Variants in ZC3H12A observed in about 807,000 individuals in gnomAD.
The protein encoded by ZC3H12A is endoribonuclease ZC3H12A.
In ZC3H12A, 9 loss-of-function variants were observed where a neutral mutation model predicts 29.9. The ratio of observed to expected loss-of-function variants is 0.30; its 90% CI spans 0.18 to 0.53. The LOEUF (loss-of-function observed/expected upper bound fraction) is 0.53. ZC3H12A is among the 20% of genes least tolerant of loss of function. ZC3H12A has a pLI of 0.96. For missense variants in ZC3H12A, 617 were observed against 799.0 expected (o/e 0.77, Z 2.75); for synonymous variants, 323 against 338.1 (o/e 0.96, Z 0.49).
intron 2 of ZC3H12A, 60 bp from the exon 3 acceptor site, chr1:37,480,230 A>C (rs778241227): frequency 1.1e-5 from 18 of 1,566,756 alleles, no homozygotes; most frequent in Admixed American, 3.6e-5. Flanking sequence ...CCTCCTGCTC[A>C]GGCCTAGGGG....
intron 2 of ZC3H12A, among the ~76,000 whole-genome samples, chr1:37,477,563 A>G (rs2148041958): frequency 6.6e-6 from 1 of 152,216 alleles, no homozygotes; most frequent in Admixed American, 6.5e-5. Context: ...TTTCCTTCTA[A>G]GGGAATTTTT....
rs2148043332 is a variant in ZC3H12A, at chr1:37,479,013, T to G, written c.444-1277T>G. 1 of 984,626 alleles carries G rather than the reference T, an allele frequency of 1.0e-6. No homozygotes were observed. Among genetic ancestry groups the G allele is most frequent in the Non-Finnish European group, 1.2e-6 (1 of 829,748 alleles). 61.0% of individuals were successfully genotyped at this position (984,626 alleles called of 1,614,324 possible). A position where few individuals can be genotyped will look rare whatever the true frequency, so the allele number is the denominator to read the frequency against. ...CAGCTGCCCCACCTCCCTCCCTAGCTTCTCTTAGGGCTCCAGCTATCACCC... is the reference window on the plus strand; with the variant it reads ...CAGCTGCCCCACCTCCCTCCCTAGCGTCTCTTAGGGCTCCAGCTATCACCC... On this transcript the variant is annotated intron_variant, in intron 2 of 5. Transcript: ENST00000373087. This position sits in a 1 kb window ranked among gnomAD's most constrained non-coding sequence, Gnocchi z 4.5.
At position 37,483,761 on chromosome 1, in the gene ZC3H12A, C is replaced by A; in HGVS notation, c.*150C>A. 2 of 1,068,398 alleles carry A rather than the reference C, an allele frequency of 1.9e-6. No homozygotes were observed. Among genetic ancestry groups the A allele is most frequent in the Non-Finnish European group, 2.6e-6 (2 of 764,112 alleles). 66.2% of individuals were successfully genotyped at this position (1,068,398 alleles called of 1,614,324 possible). ...CAAGTCGGGAAGGAAACCCACAAAC[C>A]AAAGATACTGTAGGATTGGTTCTGG... is the stretch of plus-strand genomic sequence containing the variant. On this transcript the variant is annotated 3_prime_UTR_variant, in exon 6 of 6. Transcript: ENST00000373087.
intron 2 of ZC3H12A, chr1:37,480,074 T>C (rs1641671822): frequency 7.8e-7 from 1 of 1,275,778 alleles, no homozygotes; most frequent in African/African-American, 1.5e-5. Context: ...GCACTGGGAA[T>C]GGAGGCCTTG....
Position 37,475,551 on chromosome 1 carries a change from C to A in ZC3H12A, c.55C>A (p.Leu19Met), listed in dbSNP as rs1447349218. 1 of 1,613,718 alleles carries A rather than the reference C, an allele frequency of 6.2e-7. No individual in the cohort carries two copies. The highest frequency in any genetic ancestry group is 8.5e-7 in the Non-Finnish European group (1 of 1,179,994). The change falls in exon 2 of 6, where the codon CTG becomes ATG. Residue 19 changes from leucine to methionine, a missense_variant. Physicochemically the swap from Leu to Met is conservative, Grantham distance 15 (BLOSUM62 2). Transcript: ENST00000373087. This position sits in a 1 kb window ranked among gnomAD's most constrained non-coding sequence, Gnocchi z 5.2. ...PVLEASPTMS[L>M]WEFEDSHSRQ... ...CCTGGAAGCCAGCCCCACCATGAGT[C>A]TGTGGGAATTTGAGGACAGCCACAG...
At position 37,475,408 on chromosome 1, in the gene ZC3H12A, G is replaced by A. The variant is rs1198649216; in HGVS notation, c.-38-51G>A. On this transcript the variant is annotated intron_variant, in intron 1 of 5. Transcript: ENST00000373087. The surrounding 1 kb of genome is among the most constrained non-coding windows in gnomAD (Gnocchi z 5.2). The stretch of plus-strand genomic sequence containing the variant: ...TCCTGCTGGATGTGGTTTTGGGAGG[G>A]AGGTTAGGAGAGAGCGCTATTCACC... The A allele has an allele frequency of 7.9e-6, 11 of 1,387,330 alleles. No individual in the cohort carries two copies. In the Admixed American group the frequency reaches 2.5e-4, roughly 31 times the overall value. The allele number at this position is 1,387,330 out of a possible 1,614,324, so 85.9% of individuals were successfully genotyped here.
In ZC3H12A at chr1:37,482,641, GACC is replaced by G. The variant is rs766481142; in HGVS notation, c.926-92_926-90del. On this transcript the variant is annotated intron_variant, in intron 5 of 5. Coordinates refer to ENST00000373087, the MANE Select transcript of ZC3H12A (RefSeq NM_025079.3). Reference sequence around the variant, plus strand: ...TTCCTCTTGGGGACCTCCACCATTGGACCACCCAACCCCGTTTCCTGTGCCACC... The same window carrying G: ...TTCCTCTTGGGGACCTCCACCATTGGACCCAACCCCGTTTCCTGTGCCACC... The G allele has an allele frequency of 3.1e-6, 5 of 1,609,570 alleles. No individual in the cohort carries two copies. In the African/African-American group the frequency reaches 6.7e-5, roughly 22 times the overall value.
chr1:37,479,538 C>T lies in ZC3H12A; in HGVS notation c.444-752C>T. 5.1e-6 allele frequency: 5 copies of T among 985,410 alleles called. No homozygotes were observed. Among genetic ancestry groups the T allele is most frequent in the Non-Finnish European group, 6.0e-6 (5 of 829,922 alleles). The allele number at this position is 985,410 out of a possible 1,614,324, so 61.0% of individuals were successfully genotyped here. The stretch of plus-strand genomic sequence containing the variant: ...TAGCATCTTCCTGATGGTCTTTCTG[C>T]CTTGGGGTGAAGAGGCATTTGGGGG... On this transcript the variant is annotated intron_variant, in intron 2 of 5. Coordinates refer to ENST00000373087, the MANE Select transcript of ZC3H12A (RefSeq NM_025079.3). This position sits in a 1 kb window ranked among gnomAD's most constrained non-coding sequence, Gnocchi z 4.5.
chr1:37,481,914 G>T, intron 4 of ZC3H12A, 79 bp downstream of exon 4: 1 of 1,464,446 alleles, frequency 6.8e-7, no homozygotes, highest in African/African-American at 1.4e-5. Flanking sequence ...GGGTGGAGCT[G>T]GGGGCTGGGC....
chr1:37,483,286 G>C lies in ZC3H12A; in HGVS notation c.1475G>C (p.Gly492Ala), dbSNP rs764182642. 2 of 1,614,042 alleles carry C rather than the reference G, an allele frequency of 1.2e-6. No individual in the cohort carries two copies. Among genetic ancestry groups the C allele is most frequent in the Admixed American group, 3.3e-5 (2 of 60,032 alleles). Residue 492 changes from glycine (G) to alanine (A), a missense_variant, in exon 6 of 6, where the codon GGT (glycine) becomes GCT (alanine). Coordinates refer to ENST00000373087, the MANE Select transcript of ZC3H12A (RefSeq NM_025079.3). ...TTCTCTGCCTTTGGCCGGGCCATGGGTGCTGGCCACTTCAGTGTCCCTGCC... is the reference window on the plus strand; with the variant it reads ...TTCTCTGCCTTTGGCCGGGCCATGGCTGCTGGCCACTTCAGTGTCCCTGCC... ...AAFSAFGRAM[G>A]AGHFSVPADY... is the part of the protein sequence containing the mutation.
Position 37,483,037 on chromosome 1 carries a change from G to C in ZC3H12A, c.1226G>C (p.Gly409Ala). The C allele has an allele frequency of 6.2e-7, 1 of 1,607,366 alleles. No individual in the cohort carries two copies. The highest frequency in any genetic ancestry group is 8.5e-7 in the Non-Finnish European group (1 of 1,177,154). The change falls in exon 6 of 6, where the codon GGG (glycine) becomes GCG (alanine). Residue 409 changes from glycine to alanine, a missense_variant. Around this residue, in one of 5 missense-constraint regions of ZC3H12A, gnomAD observed 115 missense variants for 112.5 expected, o/e 1.02. Transcript: ENST00000373087. ...APSGRSLAPS[G>A]GSGSSFGPTD... ...TCAGGCAGGAGCCTCGCACCTAGCG[G>C]GGGCAGTGGCAGCAGCTTTGGGCCC...
In ZC3H12A at chr1:37,483,566, G is replaced by T. The variant is rs780585851; in HGVS notation, c.1755G>T (p.Leu585=). ...CACAGCTCCTGGACCCCCAGCAGCTGGCTGCCGAGATCCTCTCCTACAAGT... is the reference window on the plus strand; with the variant it reads ...CACAGCTCCTGGACCCCCAGCAGCTTGCTGCCGAGATCCTCTCCTACAAGT... ...RFPQLLDPQQ[L]AAEILSYKSQ... Residue 585 remains leucine (L), a synonymous_variant, in exon 6 of 6, where the codon CTG becomes CTT. Transcript: ENST00000373087. The T allele has an allele frequency of 1.2e-6, 2 of 1,612,616 alleles. No individual in the cohort carries two copies. The highest frequency in any genetic ancestry group is 2.7e-5 in the African/African-American group (2 of 74,932).
chr1:37,478,794 G>A lies in ZC3H12A; in HGVS notation c.444-1496G>A. The A allele has an allele frequency of 2.1e-6, 2 of 967,028 alleles. No individual in the cohort carries two copies. The highest frequency in any genetic ancestry group is 2.5e-6 in the Non-Finnish European group (2 of 813,144). The allele number at this position is 967,028 out of a possible 1,614,324, so 59.9% of individuals were successfully genotyped here. On this transcript the variant is annotated intron_variant, in intron 2 of 5. Coordinates refer to ENST00000373087, the MANE Select transcript of ZC3H12A (RefSeq NM_025079.3). The surrounding 1 kb of genome is among the most constrained non-coding windows in gnomAD (Gnocchi z 5.2). ...CTCACAAGCTTGCTGATGATTCAGTGTTAGACACTTATAACAGGGCCTGGT... is the reference window on the plus strand; with the variant it reads ...CTCACAAGCTTGCTGATGATTCAGTATTAGACACTTATAACAGGGCCTGGT...
At position 37,476,030 on chromosome 1, in the gene ZC3H12A, G is replaced by A. The variant is rs1031632532; in HGVS notation, c.443+91G>A. 5.3e-6 allele frequency: 7 copies of A among 1,324,702 alleles called. No individual in the cohort carries two copies. Among genetic ancestry groups the A allele is most frequent in the Non-Finnish European group, 7.0e-6 (7 of 1,001,110 alleles). 82.1% of individuals were successfully genotyped at this position (1,324,702 alleles called of 1,614,324 possible). A position where few individuals can be genotyped will look rare whatever the true frequency, so the allele number is the denominator to read the frequency against. On this transcript the variant is annotated intron_variant, in intron 2 of 5. Transcript: ENST00000373087. The surrounding 1 kb of genome is among the most constrained non-coding windows in gnomAD (Gnocchi z 6.0). Reference sequence around the variant, plus strand: ...AAGGATGACTGTCTCTGCAGCTCTGGTGGGCTGGAAGAAGTGACTTCCTTC... The same window carrying A: ...AAGGATGACTGTCTCTGCAGCTCTGATGGGCTGGAAGAAGTGACTTCCTTC...
In ZC3H12A at chr1:37,480,296, G is replaced by A; in HGVS notation, c.450G>A (p.Gly150=). The change falls in exon 3 of 6, where the codon GGG becomes GGA. Residue 150 remains glycine (G), a synonymous_variant. Transcript: ENST00000373087. ...CCTGTCCTCTCCCTCCCAGCCATGG[G>A]AACAAGGAGGTCTTCTCCTGCCGGG... The part of the protein sequence containing the change: ...IDGSNVAMSH[G]NKEVFSCRGI... The A allele has an allele frequency of 6.2e-7, 1 of 1,613,206 alleles. No homozygotes were observed. Among genetic ancestry groups the A allele is most frequent in the Non-Finnish European group, 8.5e-7 (1 of 1,179,448 alleles).
Position 37,475,488 on chromosome 1 carries a change from G to A in ZC3H12A, c.-9G>A, listed in dbSNP as rs1291677827. On this transcript the variant is annotated 5_prime_UTR_variant, in exon 2 of 6. Transcript: ENST00000373087. The surrounding 1 kb of genome is among the most constrained non-coding windows in gnomAD (Gnocchi z 5.2). ...AGCTGTGGCGCGGGGCCTTCCAGGAGTCTGAGCTATGAGTGGCCCCTGTGG... is the reference window on the plus strand; with the variant it reads ...AGCTGTGGCGCGGGGCCTTCCAGGAATCTGAGCTATGAGTGGCCCCTGTGG... The A allele has an allele frequency of 1.9e-6, 3 of 1,594,410 alleles. No individual in the cohort carries two copies. Among genetic ancestry groups the A allele is most frequent in the Non-Finnish European group, 2.6e-6 (3 of 1,169,220 alleles).
chr1:37,474,825 G>A (rs1277615543), intron 1 of ZC3H12A, among the ~76,000 whole-genome samples, 196 bp downstream of exon 1: 1 of 152,164 alleles, frequency 6.6e-6, no homozygotes, highest in Admixed American at 6.5e-5. Flanking sequence ...AGTTGGGAGA[G>A]CCGGGGAAGA....
chr1:37,480,514 A>G (rs577903081), intron 3 of ZC3H12A, 85 bp downstream of exon 3: 11 of 1,490,126 alleles, frequency 7.4e-6, no homozygotes, highest in East Asian at 4.7e-5. Flanking sequence ...GGAGTGACCT[A>G]CAACTTCTAG....
Position 37,481,702 on chromosome 1 carries a change from A to G in ZC3H12A, c.685A>G (p.Ile229Val). Reference sequence around the variant, plus strand: ...GGTGGTGTGCTATGACGACAGATTCATTGTGAAGCTGGCCTACGAGTCTGA... The same window carrying G: ...GGTGGTGTGCTATGACGACAGATTCGTTGTGAAGCTGGCCTACGAGTCTGA... ...KRVVCYDDRF[I>V]VKLAYESDGI... Residue 229 changes from isoleucine to valine, a missense_variant, in exon 4 of 6, where the codon ATT becomes GTT. Around this residue, in one of 5 missense-constraint regions of ZC3H12A, gnomAD observed 255 missense variants for 402.5 expected, o/e 0.63. Coordinates refer to ENST00000373087, the MANE Select transcript of ZC3H12A (RefSeq NM_025079.3). The G allele has an allele frequency of 6.2e-7, 1 of 1,614,258 alleles. No individual in the cohort carries two copies. The highest frequency in any genetic ancestry group is 8.5e-7 in the Non-Finnish European group (1 of 1,180,046).
Sources: allele counts gnomAD v4.1 joint callset (sites outside exome capture counted in the v4.1 genomes callset), GRCh38; gene constraint gnomAD v4.1.1; regional missense constraint gnomAD v4.1.1; non-coding constraint Gnocchi (gnomAD v3.1); transcripts MANE v1.5; gene names NCBI Gene and HGNC (gene_info 2026-07-23, HGNC 2026-07-21).